CCDC38: variants seen among roughly 807,000 people sequenced by gnomAD.
CCDC38 encodes coiled-coil domain-containing protein 38.
CCDC38 carries 69 observed loss-of-function variants against 72.8 expected under a neutral mutation model. The observed-to-expected ratio is 0.95, with a 90% CI of 0.78 to 1.16. The LOEUF is 1.16. CCDC38 is among the 50% of genes most tolerant of loss of function. The probability of loss-of-function intolerance (pLI) is 0.00; values close to 1 mark genes in which losing one functional copy is unlikely to be tolerated. For missense variants in CCDC38, 626 were observed against 638.9 expected (o/e 0.98, Z 0.22); for synonymous variants, 201 against 213.2 (o/e 0.94, Z 0.50).
At chr12:95,921,135 A>AAAAAAG (rs530219290) in intron 2 of CCDC38, among the ~76,000 whole-genome samples, 20 of 151,996 alleles carry the variant, frequency 1.3e-4, no homozygotes, top group South Asian at 4.1e-4. Flanking sequence ...TCTCAAAAAA[A>AAAAAAG]AAAAAGAAAA....
At chr12:95,921,557 A>C (rs1262726172) in intron 2 of CCDC38, among the ~76,000 whole-genome samples, 1 of 152,082 alleles carries the variant, frequency 6.6e-6, no homozygotes. Context: ...GTGAGATCTC[A>C]CTCACTATCA....
chr12:95,871,434 G>A (rs971877513), intron 14 of CCDC38, among the ~76,000 whole-genome samples: 2 of 152,102 alleles, frequency 1.3e-5, no homozygotes. Flanking sequence ...TGCAGATTTT[G>A]GTATCCTTGG....
At chr12:95,898,500 T>C in intron 6 of CCDC38, 35 bp from the exon 7 acceptor site, 1 of 1,526,276 alleles carries the variant, frequency 6.6e-7, no homozygotes, top group Non-Finnish European at 9.0e-7. Flanking sequence ...ATTTGCTTCT[T>C]AGAAACAAAC....
At chr12:95,895,776 A>AG (rs2079881037) in intron 7 of CCDC38, among the ~76,000 whole-genome samples, 1 of 142,296 alleles carries the variant, frequency 7.0e-6, no homozygotes, top group African/African-American at 2.6e-5. Context: ...AAAAAAAAAA[A>AG]GCCGGGCATG....
At chr12:95,882,487 G>A (rs1016149267) in intron 10 of CCDC38, among the ~76,000 whole-genome samples, 17 of 152,120 alleles carry the variant, frequency 1.1e-4, no homozygotes, top group African/African-American at 3.1e-4. Context: ...TTGAGTTTGA[G>A]GGGACAAAAT....
At chr12:95,921,114 G>A (rs1449346958) in intron 2 of CCDC38, among the ~76,000 whole-genome samples, 1 of 149,404 alleles carries the variant, frequency 6.7e-6, no homozygotes, top group African/African-American at 2.5e-5. Context: ...GGCAACAAGA[G>A]TGAAACTCCA....
chr12:95,890,366 T>C (rs1217475925), intron 9 of CCDC38, among the ~76,000 whole-genome samples: 1 of 152,190 alleles, frequency 6.6e-6, no homozygotes, highest in African/African-American at 2.4e-5. Context: ...ATGGTGATAG[T>C]GAAGGACTTC....
chr12:95,918,244 T>C lies in CCDC38; in HGVS notation c.138+632A>G, dbSNP rs369419191. Among the ~76,000 whole-genome samples, 81 of 152,300 alleles carry C rather than the reference T, an allele frequency of 5.3e-4. 1 individual carries two copies. In the South Asian group the frequency reaches 0.016, roughly 30 times the overall value. Reference sequence around the variant, plus strand: ...CACAGTGGGAAAATCAGCCTTATCATTGATCTAGCTTCATACCACAAAATT... The same window carrying C: ...CACAGTGGGAAAATCAGCCTTATCACTGATCTAGCTTCATACCACAAAATT... On this transcript the variant is annotated intron_variant, in intron 3 of 15. Coordinates refer to ENST00000344280, the MANE Select transcript of CCDC38 (RefSeq NM_182496.3).
chr12:95,903,378 T>A, intron 5 of CCDC38: 1 of 678,744 alleles, frequency 1.5e-6, no homozygotes, highest in Non-Finnish European at 2.7e-6. Flanking sequence ...ATGTCTTTCA[T>A]TTTTTTTTCT....
In CCDC38 at chr12:95,890,530, G is replaced by A. The variant is rs149156372; in HGVS notation, c.871+302C>T. Among the ~76,000 whole-genome samples, 1,005 of 152,386 alleles carry A rather than the reference G, an allele frequency of 6.6e-3. 6 individuals carry two copies. The highest frequency in any genetic ancestry group is 0.023 in the African/African-American group (942 of 41,600). The stretch of plus-strand genomic sequence containing the variant: ...GGGAGTGGGCCTGCCAACGGCAGAA[G>A]GCAGGTCCGCGCCAGAGAAACGAGG... On this transcript the variant is annotated intron_variant, in intron 9 of 15. Transcript: ENST00000344280.
chr12:95,879,792 G>T lies in CCDC38; in HGVS notation c.994C>A (p.Pro332Thr). The T allele has an allele frequency of 6.3e-7, 1 of 1,592,224 alleles. No homozygotes were observed. The highest frequency in any genetic ancestry group is 8.5e-7 in the Non-Finnish European group (1 of 1,170,982). ...LDDEMDVDLE[P>T]ALYFKEPEEL... ...TCTGGTTCCTTGAAATAAAGTGCTG[G>T]CTCCTAATTAATCAATAATGAAGAA... Residue 332 changes from proline to threonine, a missense_variant, in exon 12 of 16, where the codon CCA becomes ACA. Transcript: ENST00000344280. This position sits in a 1 kb window ranked among gnomAD's most constrained non-coding sequence, Gnocchi z 5.5.
At chr12:95,923,147 A>G (rs974433521) in intron 2 of CCDC38, among the ~76,000 whole-genome samples, 3 of 152,076 alleles carry the variant, frequency 2.0e-5, no homozygotes, top group African/African-American at 7.2e-5. Flanking sequence ...AACTCACACC[A>G]TCAGTTCCCC....
rs146701048 is a variant in CCDC38, at chr12:95,868,427, G to A, written c.1578+1053C>T. ...TAATTCTTGGGAGGAGAGGACAGGT[G>A]AGGAAAGTCTTCATGGAAAGAATTG... On this transcript the variant is annotated intron_variant, in intron 15 of 15. Transcript: ENST00000344280. Among the ~76,000 whole-genome samples the A allele has an allele frequency of 3.9e-5, 6 of 152,294 alleles. No individual in the cohort carries two copies. In the East Asian group the frequency reaches 1.2e-3, roughly 29 times the overall value.
chr12:95,875,202 A>G (rs1286645135), intron 13 of CCDC38, among the ~76,000 whole-genome samples: 2 of 152,196 alleles, frequency 1.3e-5, no homozygotes, highest in African/African-American at 2.4e-5. Context: ...ACAGTGGGAA[A>G]GAGGGCTGGT....
intron 7 of CCDC38, among the ~76,000 whole-genome samples, chr12:95,895,435 T>G (rs2079876232): frequency 2.0e-5 from 3 of 152,014 alleles, no homozygotes; most frequent in Admixed American, 2.0e-4. Context: ...TGTATTAAGT[T>G]TTAGATATAG....
intron 11 of CCDC38, among the ~76,000 whole-genome samples, chr12:95,880,748 A>G (rs1052958644): frequency 1.3e-5 from 2 of 152,222 alleles, no homozygotes; most frequent in Non-Finnish European, 2.9e-5. Flanking sequence ...GCACAAAAAG[A>G]CAAATACTGA....
intron 1 of CCDC38, 23 bp from the exon 2 acceptor site, chr12:95,936,546 GT>G: frequency 6.2e-7 from 1 of 1,601,262 alleles, no homozygotes; most frequent in Non-Finnish European, 8.5e-7. Flanking sequence ...AAAAAAATAC[GT>G]TTTTTAAAAA....
chr12:95,916,294 GCTTGTT>G (rs2080142522), intron 4 of CCDC38, among the ~76,000 whole-genome samples: 1 of 151,468 alleles, frequency 6.6e-6, no homozygotes, highest in Admixed American at 6.6e-5. Context: ...TAAGTGGTTT[GCTTGTT>G]CTCTGAAAAA....
Position 95,898,730 on chromosome 12 carries a change from T to C in CCDC38, c.371A>G (p.Tyr124Cys). Residue 124 changes from tyrosine (Y) to cysteine (C), a missense_variant and splice_region_variant, in exon 6 of 16, where the codon TAT becomes TGT. Physicochemically the swap from Tyr to Cys is radical, Grantham distance 194. Coordinates refer to ENST00000344280, the MANE Select transcript of CCDC38 (RefSeq NM_182496.3). ...NDQRDRFLLE[Y>C]ALSTKRNTIK... is the part of the protein sequence containing the mutation. ...TGTGTTTCTTTTGGTTGACAAAGCA[T>C]ACTAGGGGCATTGAAGACAGAGGTG... The C allele has an allele frequency of 2.5e-6, 4 of 1,612,938 alleles. No individual in the cohort carries two copies. Among genetic ancestry groups the C allele is most frequent in the Non-Finnish European group, 3.4e-6 (4 of 1,179,760 alleles).
Sources: allele counts gnomAD v4.1 joint callset (sites outside exome capture counted in the v4.1 genomes callset), GRCh38; gene constraint gnomAD v4.1.1; non-coding constraint Gnocchi (gnomAD v3.1); transcripts MANE v1.5; gene names NCBI Gene and HGNC (gene_info 2026-07-23, HGNC 2026-07-21).